MTA3: variants seen among roughly 807,000 people sequenced by gnomAD.
MTA3 encodes the protein metastasis-associated protein MTA3.
Under a neutral mutation model 83.5 loss-of-function variants are expected in MTA3, and 34 were observed. The ratio of observed to expected loss-of-function variants is 0.41; its 90% CI spans 0.31 to 0.54. The LOEUF (loss-of-function observed/expected upper bound fraction) is 0.54. Ranked by LOEUF, MTA3 falls within the 20% of genes least tolerant of loss-of-function variation. MTA3 has a pLI of 0.33. For missense variants in MTA3, 761 were observed against 726.4 expected (o/e 1.05, Z -0.55); for synonymous variants, 303 against 252.7 (o/e 1.20, Z -1.89).
chr2:42,505,346 C>T (rs962984956), intron 2 of MTA3, among the ~76,000 whole-genome samples: 9 of 151,990 alleles, frequency 5.9e-5, no homozygotes, highest in African/African-American at 2.2e-4. Flanking sequence ...GAGCCGAGAT[C>T]GTGCCACTGC....
At chr2:42,738,611 A>C (rs552404275) in intron 16 of MTA3, among the ~76,000 whole-genome samples, 2 of 152,242 alleles carry the variant, frequency 1.3e-5, no homozygotes, top group African/African-American at 2.4e-5. Context: ...ACAGGATAAC[A>C]GCAATTGTTC....
At chr2:42,574,128 GC>G (rs1678786166) in intron 2 of MTA3, among the ~76,000 whole-genome samples, 1 of 147,258 alleles carries the variant, frequency 6.8e-6, no homozygotes, top group African/African-American at 2.5e-5. Flanking sequence ...GAGCCACCGC[GC>G]CCGGCTTTTT....
intron 8 of MTA3, among the ~76,000 whole-genome samples, chr2:42,681,760 C>T (rs918068823): frequency 6.6e-6 from 1 of 151,994 alleles, no homozygotes; most frequent in African/African-American, 2.4e-5. Flanking sequence ...TTCCTCCCAC[C>T]TTGGCTTCTC....
intron 3 of MTA3, among the ~76,000 whole-genome samples, chr2:42,606,576 G>A (rs1458390954): frequency 1.4e-5 from 2 of 144,180 alleles, no homozygotes; most frequent in East Asian, 2.1e-4. Context: ...GCCGGGCGGA[G>A]ACGCTCCTCA....
intron 2 of MTA3, among the ~76,000 whole-genome samples, chr2:42,503,334 C>T (rs115336528): frequency 1.3e-3 from 199 of 152,330 alleles, no homozygotes; most frequent in African/African-American, 4.5e-3. Flanking sequence ...GTCACCTTGT[C>T]ACCATCTTAG....
intron 9 of MTA3, among the ~76,000 whole-genome samples, chr2:42,695,214 G>C (rs1017267700): frequency 7.2e-5 from 11 of 152,076 alleles, no homozygotes; most frequent in Admixed American, 2.0e-4. Flanking sequence ...GGAATGTGTT[G>C]TATTCACATT....
At chr2:42,578,723 C>T (rs777928321) in intron 2 of MTA3, among the ~76,000 whole-genome samples, 4 of 152,060 alleles carry the variant, frequency 2.6e-5, no homozygotes, top group Non-Finnish European at 5.9e-5. Flanking sequence ...TTATTTCCGT[C>T]AGTTGTGGCT....
intron 3 of MTA3, among the ~76,000 whole-genome samples, chr2:42,591,222 A>G (rs1324139280): frequency 2.0e-5 from 3 of 152,202 alleles, no homozygotes; most frequent in Admixed American, 6.5e-5. Context: ...GTGTTACCCA[A>G]TTTTGGGTAT....
intron 12 of MTA3, among the ~76,000 whole-genome samples, chr2:42,706,496 CTG>C (rs1666095303): frequency 1.3e-5 from 2 of 152,142 alleles, no homozygotes; most frequent in South Asian, 4.1e-4. Context: ...ATAATGGTCT[CTG>C]TATTTTCTCT....
At chr2:42,628,476 C>G (rs1166978222) in intron 4 of MTA3, among the ~76,000 whole-genome samples, 1 of 152,122 alleles carries the variant, frequency 6.6e-6, no homozygotes, top group Admixed American at 6.5e-5. Context: ...TCAGGTAATA[C>G]GCCTGCCTCA....
chr2:42,500,097 T>TC (rs1674329947), intron 2 of MTA3, among the ~76,000 whole-genome samples: 1 of 151,716 alleles, frequency 6.6e-6, no homozygotes, highest in East Asian at 1.9e-4. Context: ...GGTGAAACTC[T>TC]GTCTCTACTA....
chr2:42,559,237 C>T (rs1027113918), intron 2 of MTA3, among the ~76,000 whole-genome samples: 1 of 152,228 alleles, frequency 6.6e-6, no homozygotes, highest in Non-Finnish European at 1.5e-5. Flanking sequence ...CGCAGTGGCT[C>T]ACGCCTGTAA....
Position 42,529,183 on chromosome 2 carries a change from G to A in MTA3, c.-141+33929G>A, listed in dbSNP as rs1675849704. ...ACAATATGGCTTGCAAAATCTTGAT[G>A]TATAAATAGATAAAAAGGAACTCTC... On this transcript the variant is annotated intron_variant, in intron 2 of 17. Transcript: ENST00000405592. 3.9e-5 allele frequency among the ~76,000 whole-genome samples: 6 copies of A among 152,140 alleles called. No homozygotes were observed. The South Asian group carries it at 1.2e-3, about 31-fold the overall frequency.
At chr2:42,600,657 T>C (rs180882989) in intron 3 of MTA3, among the ~76,000 whole-genome samples, 143 of 152,192 alleles carry the variant, frequency 9.4e-4, no homozygotes, top group Non-Finnish European at 1.7e-3. Context: ...TTCTTGTGCC[T>C]CAGTCTCCTA....
At chr2:42,660,821 G>A (rs188544093) in intron 8 of MTA3, among the ~76,000 whole-genome samples, 1 of 152,262 alleles carries the variant, frequency 6.6e-6, no homozygotes, top group Non-Finnish European at 1.5e-5. Flanking sequence ...TTTTGATAAT[G>A]TAAGAACTCA....
chr2:42,516,454 A>G (rs1384115413), intron 2 of MTA3, among the ~76,000 whole-genome samples: 2 of 152,180 alleles, frequency 1.3e-5, no homozygotes, highest in Non-Finnish European at 2.9e-5. Context: ...TCACTTCCAT[A>G]GGTGTCCAGG....
At chr2:42,520,554 T>C (rs1005246066) in intron 2 of MTA3, among the ~76,000 whole-genome samples, 10 of 152,084 alleles carry the variant, frequency 6.6e-5, no homozygotes, top group Non-Finnish European at 1.0e-4. Context: ...TCATCCATCA[T>C]TGGCTCTCAC....
At chr2:42,694,786 C>T (rs906003769) in intron 9 of MTA3, among the ~76,000 whole-genome samples, 4 of 152,192 alleles carry the variant, frequency 2.6e-5, no homozygotes, top group African/African-American at 7.2e-5. Context: ...GTTTAAATGC[C>T]GTTTCTAAAA....
At chr2:42,594,726 ATAT>A (rs1165982184) in intron 3 of MTA3, among the ~76,000 whole-genome samples, 20 of 29,364 alleles carry the variant, frequency 6.8e-4, no homozygotes, top group South Asian at 2.8e-3. Flanking sequence ...ATATATATAT[ATAT>A]TTTTTTTTTT....
Sources: allele counts gnomAD v4.1 joint callset (sites outside exome capture counted in the v4.1 genomes callset), GRCh38; gene constraint gnomAD v4.1.1; transcripts MANE v1.5; gene names NCBI Gene and HGNC (gene_info 2026-07-23, HGNC 2026-07-21).